Variants in VARS1 observed in about 807,000 individuals in gnomAD.
VARS1 encodes valine--tRNA ligase.
A neutral mutation model predicts 161.0 loss-of-function variants in VARS1; 92 were observed. That is an observed-to-expected ratio of 0.57 (90% confidence interval 0.48 to 0.68). The LOEUF is 0.68. Ranked by LOEUF, VARS1 falls within the 30% of genes least tolerant of loss-of-function variation. The probability of loss-of-function intolerance (pLI) is 0.00; values close to 1 mark genes in which losing one functional copy is unlikely to be tolerated. For synonymous variants in VARS1, 595 were observed against 682.5 expected, an observed-to-expected ratio of 0.87 and a Z score of 2.00; for missense variants, 1,338 against 1,695.9, an observed-to-expected ratio of 0.79 and a Z score of 3.71.
chr6:31,792,530 C>A lies in VARS1; in HGVS notation c.662-14G>T. 1 of 1,613,824 alleles carries A rather than the reference C, an allele frequency of 6.2e-7. No homozygotes were observed. The highest frequency in any genetic ancestry group is 1.1e-5 in the South Asian group (1 of 91,078). Reference sequence around the variant, plus strand: ...GAGCCTCGGGGCCTAGAGAGAGGTGCAGAAATTCAGACTCAGCCAGCTGGG... The same window carrying A: ...GAGCCTCGGGGCCTAGAGAGAGGTGAAGAAATTCAGACTCAGCCAGCTGGG... On this transcript the variant is annotated splice_polypyrimidine_tract_variant and intron_variant, in intron 4 of 29. Transcript: ENST00000375663.
At position 31,784,707 on chromosome 6, in the gene VARS1, G is replaced by T; in HGVS notation, c.1355C>A (p.Ser452Ter). The T allele has an allele frequency of 1.2e-6, 2 of 1,613,034 alleles. No homozygotes were observed. The highest frequency in any genetic ancestry group is 1.7e-6 in the Non-Finnish European group (2 of 1,180,026). The change falls in exon 11 of 30, where the codon TCA becomes TAA. Residue 452 changes from serine (S) to a stop codon, truncating the protein, a stop_gained. Coordinates refer to ENST00000375663, the MANE Select transcript of VARS1 (RefSeq NM_006295.3). LOFTEE classifies it high-confidence loss of function. This position sits in a 1 kb window ranked among gnomAD's most constrained non-coding sequence, Gnocchi z 6.1. The part of the protein sequence containing the change: ...RACFTMDPKL[S>*]AAVTEAFVRL... Reference sequence around the variant, plus strand: ...GACAAAGGCCTCTGTCACAGCTGCTGAGAGTTTCTGGGGTGGAGGAGGGAG... The same window carrying T: ...GACAAAGGCCTCTGTCACAGCTGCTTAGAGTTTCTGGGGTGGAGGAGGGAG...
At position 31,778,900 on chromosome 6, in the gene VARS1, C is replaced by A; in HGVS notation, c.3726+67G>T. 1 of 1,600,986 alleles carries A rather than the reference C, an allele frequency of 6.2e-7. No homozygotes were observed. The highest frequency in any genetic ancestry group is 1.3e-5 in the African/African-American group (1 of 74,764). The stretch of plus-strand genomic sequence containing the variant: ...AGTTGTCAACACCACTGCACTCGGA[C>A]CAGCCCAGACCAGGGTTTTGATGGA... On this transcript the variant is annotated intron_variant, in intron 29 of 29. Coordinates refer to ENST00000375663, the MANE Select transcript of VARS1 (RefSeq NM_006295.3). The surrounding 1 kb of genome is among the most constrained non-coding windows in gnomAD (Gnocchi z 5.1).
chr6:31,778,625 T>G lies in VARS1; in HGVS notation c.3726+342A>C, dbSNP rs117133761. ...CCCAGGCTCAAGCAATCCGCCCACC[T>G]CAGCCCCCCGAGTAGCTGGGACCCC... is the stretch of plus-strand genomic sequence containing the variant. On this transcript the variant is annotated intron_variant, in intron 29 of 29. Transcript: ENST00000375663. This position sits in a 1 kb window ranked among gnomAD's most constrained non-coding sequence, Gnocchi z 5.1. Among the ~76,000 whole-genome samples the G allele has an allele frequency of 4.3e-3, 650 of 152,182 alleles. 41 individuals carry two copies. In the East Asian group the frequency reaches 0.12, roughly 29 times the overall value.
In VARS1 at chr6:31,778,414, T is replaced by A. The variant is rs1158490887; in HGVS notation, c.3726+553A>T. On this transcript the variant is annotated intron_variant, in intron 29 of 29. Transcript: ENST00000375663. The surrounding 1 kb of genome is among the most constrained non-coding windows in gnomAD (Gnocchi z 5.1). ...CCATGTGTAAGGGGAGGGCCTTCTA[T>A]GGTCCCTGCTCAAAGCGCCTGGGCT... is the stretch of plus-strand genomic sequence containing the variant. 6.6e-6 allele frequency among the ~76,000 whole-genome samples: 1 copy of A among 152,210 alleles called. No homozygotes were observed. The highest frequency in any genetic ancestry group is 1.5e-5 in the Non-Finnish European group (1 of 68,036).
chr6:31,785,183 G>A lies in VARS1; in HGVS notation c.1347+63C>T. ...GGCCACAACACCTCTGCTTTCTCCT[G>A]TGGGGGTCCCACCCTGGGGAGACTC... is the stretch of plus-strand genomic sequence containing the variant. On this transcript the variant is annotated intron_variant, in intron 10 of 29. Transcript: ENST00000375663. The surrounding 1 kb of genome is among the most constrained non-coding windows in gnomAD (Gnocchi z 6.1). The A allele has an allele frequency of 3.8e-6, 6 of 1,597,962 alleles. No homozygotes were observed. The highest frequency in any genetic ancestry group is 2.7e-5 in the African/African-American group (2 of 74,738).
rs148299902 is a variant in VARS1, at chr6:31,784,702, C to T, written c.1360G>A (p.Ala454Thr). Reference protein sequence around the residue: ...CFTMDPKLSAAVTEAFVRLHE... With the variant: ...CFTMDPKLSATVTEAFVRLHE... The stretch of plus-strand genomic sequence containing the variant: ...AGCCGGACAAAGGCCTCTGTCACAG[C>T]TGCTGAGAGTTTCTGGGGTGGAGGA... Residue 454 changes from alanine to threonine, a missense_variant, in exon 11 of 30, where the codon GCT becomes ACT. This residue lies in a region of VARS1 where 902 missense variants were observed against 1,090.3 expected (regional missense o/e 0.83). Transcript: ENST00000375663. The surrounding 1 kb of genome is among the most constrained non-coding windows in gnomAD (Gnocchi z 6.1). 545 of 1,613,016 alleles carry T rather than the reference C, an allele frequency of 3.4e-4. 4 individuals carry two copies. The African/African-American group carries it at 5.8e-3, about 17-fold the overall frequency.
rs779253524 is a variant in VARS1 at position 31,785,319 on chromosome 6, T to C, written c.1274A>G (p.Asp425Gly). Residue 425 changes from aspartate (D) to glycine (G), a missense_variant, in exon 10 of 30, where the codon GAC becomes GGC. Asp to Gly is a moderately conservative substitution (Grantham distance 94). This residue lies in a region of VARS1 where 902 missense variants were observed against 1,090.3 expected (regional missense o/e 0.83). Transcript: ENST00000375663. The surrounding 1 kb of genome is among the most constrained non-coding windows in gnomAD (Gnocchi z 6.1). ...EVWKWKEEKG[D>G]RIYHQLKKLG... ...CTTCTTCAACTGGTGGTAAATCCGG[T>C]CACCTTTCCTGGAAGCAGACAGGCT... is the stretch of plus-strand genomic sequence containing the variant. The C allele has an allele frequency of 3.7e-6, 6 of 1,613,060 alleles. No homozygotes were observed. The highest frequency in any genetic ancestry group is 3.4e-6 in the Non-Finnish European group (4 of 1,180,018).
chr6:31,792,651 C>T (rs1813958325), intron 4 of VARS1, 106 bp downstream of exon 4: 1 of 1,594,024 alleles, frequency 6.3e-7, no homozygotes, highest in South Asian at 1.1e-5. Flanking sequence ...TCCTCTCCCG[C>T]AGGACCCTGC....
rs1210792047 is a variant in VARS1 at position 31,784,968 on chromosome 6, A to C, written c.1348-254T>G. Reference sequence around the variant, plus strand: ...CTGGGGACAAGTACTGGTGCAGAGGACACTGGGAGTTCAGGCTCCATGGGA... The same window carrying C: ...CTGGGGACAAGTACTGGTGCAGAGGCCACTGGGAGTTCAGGCTCCATGGGA... On this transcript the variant is annotated intron_variant, in intron 10 of 29. Coordinates refer to ENST00000375663, the MANE Select transcript of VARS1 (RefSeq NM_006295.3). The surrounding 1 kb of genome is among the most constrained non-coding windows in gnomAD (Gnocchi z 6.1). Among the ~76,000 whole-genome samples, 1 of 152,164 alleles carries C rather than the reference A, an allele frequency of 6.6e-6. No individual in the cohort carries two copies. The highest frequency in any genetic ancestry group is 2.4e-5 in the African/African-American group (1 of 41,444).
At position 31,792,385 on chromosome 6, in the gene VARS1, G is replaced by A. The variant is rs766000445; in HGVS notation, c.786+7C>T. 11 of 1,613,600 alleles carry A rather than the reference G, an allele frequency of 6.8e-6. No homozygotes were observed. The highest frequency in any genetic ancestry group is 3.3e-5 in the Admixed American group (2 of 59,922). On this transcript the variant is annotated splice_region_variant and intron_variant, in intron 5 of 29. Coordinates refer to ENST00000375663, the MANE Select transcript of VARS1 (RefSeq NM_006295.3). ...CAACTTTCCTTCCAGCTCCACCCTC[G>A]CCTCACCTCCCCTGGAGGTGGCTGC...
chr6:31,792,043 G>T, intron 6 of VARS1, 72 bp from the exon 7 acceptor site: 1 of 1,478,062 alleles, frequency 6.8e-7, no homozygotes, highest in Non-Finnish European at 9.1e-7. Context: ...CTGGCAGAGA[G>T]GGATCGGGAT....
At chr6:31,790,662 T>G (rs951665189) in intron 8 of VARS1, among the ~76,000 whole-genome samples, 48 of 131,774 alleles carry the variant, frequency 3.6e-4, no homozygotes, top group African/African-American at 1.4e-3. Flanking sequence ...AGCCACACTA[T>G]GAGATATTAT....
At position 31,795,080 on chromosome 6, in the gene VARS1, C is replaced by A. The variant is rs1190134828; in HGVS notation, c.138G>T (p.Pro46=). 1 of 1,505,328 alleles carries A rather than the reference C, an allele frequency of 6.6e-7. No individual in the cohort carries two copies. Among genetic ancestry groups the A allele is most frequent in the African/African-American group, 1.4e-5 (1 of 72,072 alleles). 93.2% of individuals were successfully genotyped at this position (1,505,328 alleles called of 1,614,324 possible). A position where few individuals can be genotyped will look rare whatever the true frequency, so the allele number is the denominator to read the frequency against. ...GTGGGGGAAAGGGAGTCCTGCTAGTCGGGGGTGGCTGGAGACAGATGCGGG... is the reference window on the plus strand; with the variant it reads ...GTGGGGGAAAGGGAGTCCTGCTAGTAGGGGGTGGCTGGAGACAGATGCGGG... ...AHPRICLQPP[P]TSRTPFPPPR... The change falls in exon 2 of 30, where the codon CCG becomes CCT. Residue 46 remains proline, a synonymous_variant. Transcript: ENST00000375663. This position sits in a 1 kb window ranked among gnomAD's most constrained non-coding sequence, Gnocchi z 6.9.
Position 31,794,833 on chromosome 6 carries a change from G to A in VARS1, c.385C>T (p.Gln129Ter). ...LGLRSSAQDPQAVLGALGRAL... is the reference protein window; with the variant it reads ...LGLRSSAQDP Reference sequence around the variant, plus strand: ...CCTCTTCTGTACAACCCCCTCACCTGGGGGTCCTGGGCCGAGCTTCGGAGT... The same window carrying A: ...CCTCTTCTGTACAACCCCCTCACCTAGGGGTCCTGGGCCGAGCTTCGGAGT... The change falls in exon 2 of 30, where the codon CAG (glutamine) becomes TAG (stop). Residue 129 changes from glutamine to a stop codon, truncating the protein, a stop_gained and splice_region_variant. Transcript: ENST00000375663. LOFTEE classifies it high-confidence loss of function. 6.3e-7 allele frequency: 1 copy of A among 1,592,332 alleles called. No homozygotes were observed. The highest frequency in any genetic ancestry group is 8.6e-7 in the Non-Finnish European group (1 of 1,165,558).
At position 31,795,160 on chromosome 6, in the gene VARS1, T is replaced by C; in HGVS notation, c.58A>G (p.Ile20Val). Residue 20 changes from isoleucine (I) to valine (V), a missense_variant, in exon 2 of 30, where the codon ATA becomes GTA. Coordinates refer to ENST00000375663, the MANE Select transcript of VARS1 (RefSeq NM_006295.3). The surrounding 1 kb of genome is among the most constrained non-coding windows in gnomAD (Gnocchi z 6.9). ...CCAGCCTCCCCATAGCGAGCGGCTA[T>C]GAGGGCTCGGAGGCTGGGGAAGGCA... ...PDAFPSLRAL[I>V]AARYGEAGEG... is the part of the protein sequence containing the mutation. The C allele has an allele frequency of 1.3e-6, 2 of 1,482,586 alleles. No homozygotes were observed. The highest frequency in any genetic ancestry group is 1.8e-6 in the Non-Finnish European group (2 of 1,116,682). The allele number at this position is 1,482,586 out of a possible 1,614,324, so 91.8% of individuals were successfully genotyped here. A position where few individuals can be genotyped will look rare whatever the true frequency, so the allele number is the denominator to read the frequency against.
At position 31,791,882 on chromosome 6, in the gene VARS1, G is replaced by A; in HGVS notation, c.961C>T (p.Pro321Ser). The change falls in exon 7 of 30, where the codon CCA (proline) becomes TCA (serine). Residue 321 changes from proline to serine, a missense_variant. Pro to Ser is a moderately conservative substitution (Grantham distance 74). This residue lies in a region of VARS1 where 902 missense variants were observed against 1,090.3 expected (regional missense o/e 0.83). Coordinates refer to ENST00000375663, the MANE Select transcript of VARS1 (RefSeq NM_006295.3). The surrounding 1 kb of genome is among the most constrained non-coding windows in gnomAD (Gnocchi z 5.0). ...CAGTGCCTACTCACCCCATACTCTG[G>A]CTTGAAGAAGCCCTGCTGCTCCCAC... ...PWWEQQGFFKPEYGRPNVSAA... is the reference protein window; with the variant it reads ...PWWEQQGFFKSEYGRPNVSAA... 1 of 1,609,106 alleles carries A rather than the reference G, an allele frequency of 6.2e-7. No individual in the cohort carries two copies. The highest frequency in any genetic ancestry group is 8.5e-7 in the Non-Finnish European group (1 of 1,177,678).
At chr6:31,794,745 C>T in intron 2 of VARS1, 86 bp downstream of exon 2, 2 of 1,459,246 alleles carry the variant, frequency 1.4e-6, no homozygotes, top group East Asian at 2.4e-5. Context: ...ATCTGATGTA[C>T]TACCTTCTTG....
Position 31,780,580 on chromosome 6 carries a change from G to A in VARS1, c.2798-12C>T, listed in dbSNP as rs1397221504. 1 of 1,612,974 alleles carries A rather than the reference G, an allele frequency of 6.2e-7. No individual in the cohort carries two copies. The highest frequency in any genetic ancestry group is 1.3e-5 in the African/African-American group (1 of 75,016). On this transcript the variant is annotated splice_polypyrimidine_tract_variant and intron_variant, in intron 24 of 29. Transcript: ENST00000375663. The surrounding 1 kb of genome is among the most constrained non-coding windows in gnomAD (Gnocchi z 5.1). ...GTTGATGTCACGACCTGGGTCGGGG[G>A]TGAGATGTGAGTCCTCATCACCCTC...
chr6:31,792,955 G>C (rs750919141), intron 3 of VARS1, 31 bp downstream of exon 3: 1 of 1,614,116 alleles, frequency 6.2e-7, no homozygotes, highest in East Asian at 2.2e-5. Flanking sequence ...GAGGAGAGCA[G>C]TCTTGTTCTT....
Sources: gnomAD v4.1 joint callset for allele counts (sites outside exome capture counted in the v4.1 genomes callset) on GRCh38, gnomAD v4.1.1 for gene constraint, gnomAD v4.1.1 regional missense constraint, Gnocchi (gnomAD v3.1) non-coding constraint, MANE v1.5 for transcripts, NCBI Gene and HGNC (gene_info 2026-07-23, HGNC 2026-07-21) for gene names.